Variants in ESRRG observed in about 807,000 individuals in gnomAD.
ESRRG encodes the protein estrogen-related receptor gamma.
In ESRRG, 13 loss-of-function variants were observed where a neutral mutation model predicts 44.0. The ratio of observed to expected loss-of-function variants is 0.30; its 90% CI spans 0.19 to 0.47. ESRRG has a LOEUF of 0.47. Ranked by LOEUF, ESRRG falls within the 20% of genes least tolerant of loss-of-function variation. The pLI is 1.00. For missense variants in ESRRG, 395 were observed against 580.6 expected, an observed-to-expected ratio of 0.68 and a Z score of 3.29; for synonymous variants, 215 against 214.6, an observed-to-expected ratio of 1.00 and a Z score of -0.02.
At chr1:216,748,643 C>A (rs922423775) in intron 2 of ESRRG, among the ~76,000 whole-genome samples, 24 of 152,120 alleles carry the variant, frequency 1.6e-4, no homozygotes, top group Non-Finnish European at 8.8e-5. Flanking sequence ...TTTGCCAATA[C>A]ACAAATTCTG....
intron 1 of ESRRG, among the ~76,000 whole-genome samples, chr1:216,978,232 TA>T (rs888453426): frequency 2.2e-4 from 34 of 152,084 alleles, no homozygotes; most frequent in African/African-American, 7.7e-4. Context: ...CCTACCTTTT[TA>T]AAAAAAAGTT....
chr1:216,762,180 T>C (rs2092815218), intron 2 of ESRRG, among the ~76,000 whole-genome samples: 1 of 152,042 alleles, frequency 6.6e-6, no homozygotes, highest in Non-Finnish European at 1.5e-5. Context: ...AGAAATACCA[T>C]TTGACCCAGC....
intron 2 of ESRRG, among the ~76,000 whole-genome samples, chr1:216,774,152 A>C (rs1352614709): frequency 6.6e-6 from 1 of 152,138 alleles, no homozygotes; most frequent in Non-Finnish European, 1.5e-5. Flanking sequence ...AGACCACTGC[A>C]CTAGCCTCAG....
chr1:216,715,246 A>T (rs561593242), intron 1 of ESRRG: 112 of 985,310 alleles, frequency 1.1e-4, no homozygotes, highest in Non-Finnish European at 1.3e-4. Context: ...GGTCTCATTC[A>T]AGTCTATGGA....
chr1:216,929,173 A>G (rs530201251), intron 2 of ESRRG, among the ~76,000 whole-genome samples: 2 of 152,228 alleles, frequency 1.3e-5, no homozygotes, highest in Non-Finnish European at 2.9e-5. Context: ...GTGAATGTTC[A>G]AGTCACACCT....
intron 1 of ESRRG, among the ~76,000 whole-genome samples, chr1:216,719,114 T>C (rs2085579984): frequency 6.6e-6 from 1 of 152,018 alleles, no homozygotes; most frequent in African/African-American, 2.4e-5. Flanking sequence ...TGTTGAGGAA[T>C]TTTTCGTAAG....
At chr1:216,508,108 G>C (rs937088657) in intron 6 of ESRRG, among the ~76,000 whole-genome samples, 2 of 152,118 alleles carry the variant, frequency 1.3e-5, no homozygotes, top group Non-Finnish European at 2.9e-5. Context: ...AATAATTCTA[G>C]TTCTCTGAGA....
At chr1:216,551,030 T>C (rs1396208248) in intron 5 of ESRRG, among the ~76,000 whole-genome samples, 1 of 152,156 alleles carries the variant, frequency 6.6e-6, no homozygotes, top group African/African-American at 2.4e-5. Context: ...ACATCTGACT[T>C]ACATCACTCT....
At chr1:216,981,936 G>T (rs1165201158) in intron 1 of ESRRG, among the ~76,000 whole-genome samples, 1 of 152,206 alleles carries the variant, frequency 6.6e-6, no homozygotes, top group Non-Finnish European at 1.5e-5. Context: ...CGATTAGCGG[G>T]GCTGTGTCTG....
intron 3 of ESRRG, among the ~76,000 whole-genome samples, chr1:216,616,674 C>G (rs1394165197): frequency 1.3e-5 from 2 of 150,300 alleles, no homozygotes; most frequent in Non-Finnish European, 2.9e-5. Flanking sequence ...TATAGGCCGC[C>G]ACAAACCACT....
At chr1:217,114,677 T>C (rs2092700557) in intron 1 of ESRRG, among the ~76,000 whole-genome samples, 1 of 148,516 alleles carries the variant, frequency 6.7e-6, no homozygotes, top group Admixed American at 6.7e-5. Flanking sequence ...CTTTTTTTTT[T>C]TTTTTTTTTT....
chr1:216,854,256 C>T (rs1389333397), intron 2 of ESRRG, among the ~76,000 whole-genome samples: 3 of 145,918 alleles, frequency 2.1e-5, no homozygotes, highest in African/African-American at 7.6e-5. Context: ...ACTCAGGAGG[C>T]TGAGGCAGGA....
At chr1:216,827,857 T>C (rs986916466) in intron 2 of ESRRG, among the ~76,000 whole-genome samples, 7 of 152,104 alleles carry the variant, frequency 4.6e-5, no homozygotes, top group Non-Finnish European at 8.8e-5. Context: ...TATTTCCAAA[T>C]AGAATCTGAA....
intron 2 of ESRRG, among the ~76,000 whole-genome samples, chr1:216,759,428 C>A (rs966344901): frequency 1.3e-5 from 2 of 152,106 alleles, no homozygotes; most frequent in Non-Finnish European, 2.9e-5. Flanking sequence ...CTAAGGGTCT[C>A]CTCCACCCAC....
rs75890632 is a variant in ESRRG at position 216,870,679 on chromosome 1, C to A, written c.-14+68903G>T. On this transcript the variant is annotated intron_variant, in intron 2 of 7. Coordinates refer to the ESRRG transcript ENST00000359162. The stretch of plus-strand genomic sequence containing the variant: ...AGGATTTTTAACAATAATTCAATTT[C>A]TTTAACAGGTATTGGTTTGCCTATG... Among the ~76,000 whole-genome samples the A allele has an allele frequency of 8.8e-3, 1,331 of 152,074 alleles. 12 individuals carry two copies. The highest frequency in any genetic ancestry group is 9.4e-3 in the Non-Finnish European group (639 of 67,846).
intron 1 of ESRRG, among the ~76,000 whole-genome samples, chr1:217,075,596 C>CCT (rs996245535): frequency 2.0e-5 from 3 of 146,620 alleles, no homozygotes; most frequent in Non-Finnish European, 3.0e-5. Context: ...CTTTCCCCCC[C>CCT]CCAACATTAA....
intron 3 of ESRRG, among the ~76,000 whole-genome samples, chr1:216,592,619 G>T (rs1480542602): frequency 1.3e-5 from 2 of 151,902 alleles, no homozygotes; most frequent in Non-Finnish European, 2.9e-5. Flanking sequence ...TCCTGCCTCA[G>T]CCTCCCAAGT....
At chr1:217,134,887 G>A (rs1361478300) in intron 1 of ESRRG, among the ~76,000 whole-genome samples, 3 of 152,238 alleles carry the variant, frequency 2.0e-5, no homozygotes, top group Admixed American at 2.0e-4. Flanking sequence ...TTGCACCTTT[G>A]CTCTCACAGC....
chr1:217,106,882 T>C (rs546772482), intron 1 of ESRRG, among the ~76,000 whole-genome samples: 22 of 152,206 alleles, frequency 1.4e-4, no homozygotes, highest in Non-Finnish European at 2.6e-4. Flanking sequence ...TGCCTCTTTT[T>C]ATACTTTCAC....
Sources: allele counts gnomAD v4.1 joint callset (sites outside exome capture counted in the v4.1 genomes callset), GRCh38; gene constraint gnomAD v4.1.1; transcripts MANE v1.5; gene names NCBI Gene and HGNC (gene_info 2026-07-23, HGNC 2026-07-21).